The following DPP10 variants were observed in gnomAD, a reference collection of about 807,000 sequenced individuals.
The protein encoded by DPP10 is inactive dipeptidyl peptidase 10.
A neutral mutation model predicts 120.9 loss-of-function variants in DPP10; 33 were observed. The ratio of observed to expected loss-of-function variants is 0.27; its 90% CI spans 0.21 to 0.37. The LOEUF is 0.37. DPP10 is among the 10% of genes least tolerant of loss of function. The pLI is 1.00. For missense variants in DPP10, 816 were observed against 942.8 expected, an observed-to-expected ratio of 0.87 and a Z score of 1.76; for synonymous variants, 337 against 326.1, an observed-to-expected ratio of 1.03 and a Z score of -0.36.
chr2:115,579,730 C>T (rs2149121730), intron 5 of DPP10: 1 of 152,278 alleles, frequency 6.6e-6, no homozygotes, highest in Admixed American at 6.5e-5. Flanking sequence ...TAACATTTTA[C>T]CTCATTAGGT....
intron 13 of DPP10, among the ~76,000 whole-genome samples, chr2:115,776,753 G>GA (rs568573753): frequency 6.6e-6 from 1 of 151,600 alleles, no homozygotes; most frequent in Admixed American, 6.6e-5. Context: ...ATTCATCTCT[G>GA]AAAAAAAATT....
chr2:115,727,119 A>G (rs983928745), intron 7 of DPP10, among the ~76,000 whole-genome samples: 9 of 152,094 alleles, frequency 5.9e-5, no homozygotes, highest in Admixed American at 3.9e-4. Context: ...TTTAGTTTGC[A>G]CCATTGTTCC....
chr2:115,278,242 TATC>T, intron 1 of DPP10, among the ~76,000 whole-genome samples: 1 of 152,274 alleles, frequency 6.6e-6, no homozygotes, highest in African/African-American at 2.4e-5. Flanking sequence ...TATATCTCAA[TATC>T]ATGATTTATT....
At chr2:115,455,798 C>T (rs901286131) in intron 3 of DPP10, among the ~76,000 whole-genome samples, 5 of 152,064 alleles carry the variant, frequency 3.3e-5, no homozygotes, top group African/African-American at 7.2e-5. Flanking sequence ...CTTCCTTTCA[C>T]CTTATACAAA....
intron 1 of DPP10, among the ~76,000 whole-genome samples, chr2:114,864,800 A>C (rs1347190101): frequency 6.6e-6 from 1 of 152,228 alleles, no homozygotes; most frequent in Admixed American, 6.5e-5. Flanking sequence ...TATATTAACT[A>C]TGGAAATTTG....
chr2:114,534,950 T>C (rs1209531696), intron 1 of DPP10, among the ~76,000 whole-genome samples: 2 of 152,144 alleles, frequency 1.3e-5, no homozygotes, highest in Non-Finnish European at 2.9e-5. Flanking sequence ...CTTGTGTTGG[T>C]TTTCAATTTT....
At chr2:115,328,247 G>T (rs2062482139) in intron 2 of DPP10, among the ~76,000 whole-genome samples, 1 of 152,010 alleles carries the variant, frequency 6.6e-6, no homozygotes, top group Non-Finnish European at 1.5e-5. Context: ...GTGTGTAAAT[G>T]CTCTTCTCCA....
intron 1 of DPP10, among the ~76,000 whole-genome samples, chr2:114,919,519 A>C (rs1695042356): frequency 6.6e-6 from 1 of 152,200 alleles, no homozygotes; most frequent in Non-Finnish European, 1.5e-5. Flanking sequence ...TTATTTTTTA[A>C]ATTTTTTTCA....
intron 5 of DPP10, among the ~76,000 whole-genome samples, chr2:115,641,781 G>A (rs1185145795): frequency 2.0e-5 from 3 of 152,280 alleles, no homozygotes; most frequent in South Asian, 2.1e-4. Flanking sequence ...ACATTTGGTA[G>A]GCAGCCAGAT....
intron 1 of DPP10, among the ~76,000 whole-genome samples, chr2:114,477,549 G>C (rs1680524991): frequency 6.7e-6 from 1 of 150,318 alleles, no homozygotes; most frequent in African/African-American, 2.4e-5. Flanking sequence ...GTATATTGGA[G>C]GCCTTGGCCT....
Position 115,707,065 on chromosome 2 carries a change from A to T in DPP10, c.576+17144A>T, listed in dbSNP as rs182560299. The stretch of plus-strand genomic sequence containing the variant: ...TCTCAACGGAACATAGAGTAAAAAG[A>T]AATCCACAGCCAGAAAAGGATTGAA... On this transcript the variant is annotated intron_variant, in intron 7 of 25. Coordinates refer to ENST00000410059, the MANE Select transcript of DPP10 (RefSeq NM_020868.6). 1.8e-3 allele frequency among the ~76,000 whole-genome samples: 278 copies of T among 152,158 alleles called. 3 individuals carry two copies. Among genetic ancestry groups the T allele is most frequent in the Admixed American group, 0.012 (189 of 15,252 alleles).
intron 1 of DPP10, among the ~76,000 whole-genome samples, chr2:115,175,360 A>G (rs2053618829): frequency 6.6e-6 from 1 of 151,962 alleles, no homozygotes; most frequent in Admixed American, 6.6e-5. Context: ...TTGAGAACCC[A>G]TATTTGGGGG....
At chr2:115,545,667 C>A (rs1192989610) in intron 5 of DPP10, among the ~76,000 whole-genome samples, 1 of 152,060 alleles carries the variant, frequency 6.6e-6, no homozygotes, top group African/African-American at 2.4e-5. Context: ...TATTTTCAAT[C>A]CCTGAAGTTA....
intron 1 of DPP10, among the ~76,000 whole-genome samples, chr2:114,646,647 C>T (rs537931093): frequency 3.5e-4 from 53 of 152,258 alleles, no homozygotes; most frequent in Non-Finnish European, 4.6e-4. Flanking sequence ...AGCACTAAGT[C>T]CTACTCATTT....
intron 1 of DPP10, among the ~76,000 whole-genome samples, chr2:114,912,686 C>A (rs1259556104): frequency 1.3e-5 from 2 of 152,138 alleles, no homozygotes; most frequent in African/African-American, 4.8e-5. Context: ...GGTTGCTGAG[C>A]ACCAGGACTC....
chr2:115,223,505 G>T (rs1440028513), intron 1 of DPP10, among the ~76,000 whole-genome samples: 1 of 152,080 alleles, frequency 6.6e-6, no homozygotes, highest in Non-Finnish European at 1.5e-5. Flanking sequence ...ATTTAGATAA[G>T]ACATATTTGG....
chr2:115,675,358 A>G (rs933626343), intron 5 of DPP10, among the ~76,000 whole-genome samples: 1 of 152,214 alleles, frequency 6.6e-6, no homozygotes, highest in African/African-American at 2.4e-5. Context: ...TTTAAAAAAA[A>G]ATGACTCAAA....
chr2:115,288,056 A>G (rs1003426577), intron 1 of DPP10, among the ~76,000 whole-genome samples: 4 of 152,104 alleles, frequency 2.6e-5, no homozygotes, highest in Admixed American at 6.6e-5. Context: ...TGCTGGATCA[A>G]ATGGTAGTTC....
intron 1 of DPP10, among the ~76,000 whole-genome samples, chr2:114,838,029 T>C (rs553427765): frequency 6.6e-6 from 1 of 152,356 alleles, no homozygotes; most frequent in Admixed American, 6.5e-5. Flanking sequence ...GTGTACTAGG[T>C]GGCTTTTCTC....
Sources: gnomAD v4.1 joint callset for allele counts (sites outside exome capture counted in the v4.1 genomes callset) on GRCh38, gnomAD v4.1.1 for gene constraint, MANE v1.5 for transcripts, NCBI Gene and HGNC (gene_info 2026-07-23, HGNC 2026-07-21) for gene names.